Variants in ERI1 observed in about 807,000 individuals in gnomAD.
ERI1 encodes exoribonuclease 1.
A neutral mutation model predicts 39.7 loss-of-function variants in ERI1; 39 were observed. The ratio of observed to expected loss-of-function variants is 0.98; its 90% confidence interval spans 0.76 to 1.28. ERI1 has a LOEUF of 1.28. Ranked by LOEUF, ERI1 falls within the 50% of genes most tolerant of loss-of-function variation. ERI1 has a pLI of 0.00. For synonymous variants in ERI1, 204 were observed against 149.6 expected, an observed-to-expected ratio of 1.36 and a Z score of -2.65; for missense variants, 581 against 416.9, an observed-to-expected ratio of 1.39 and a Z score of -3.43.
At chr8:9,081,425 C>G (rs1195135836) in intron 3 of ERI1, among the ~76,000 whole-genome samples, 2 of 152,258 alleles carry the variant, frequency 1.3e-5, no homozygotes, top group East Asian at 1.9e-4. Flanking sequence ...AGTCTGGTTA[C>G]TTTTGTACAT....
chr8:9,089,140 T>A (rs1290585563), intron 3 of ERI1, among the ~76,000 whole-genome samples: 1 of 152,242 alleles, frequency 6.6e-6, no homozygotes, highest in Non-Finnish European at 1.5e-5. Flanking sequence ...CGCTTCACTC[T>A]CCTCTTTCCT....
In ERI1 at chr8:9,064,926, A is replaced by G. The variant is rs569326850; in HGVS notation, n.299+44462A>G. Among the ~76,000 whole-genome samples the G allele has an allele frequency of 2.0e-5, 3 of 152,226 alleles. No individual in the cohort carries two copies. The East Asian group carries it at 5.8e-4, about 29-fold the overall frequency. On this transcript the variant is annotated intron_variant and non_coding_transcript_variant, in intron 3 of 3. Coordinates refer to the ERI1 transcript ENST00000518663. The stretch of plus-strand genomic sequence containing the variant: ...AGGGAGACAGGGGTGGGGCTGTTTT[A>G]TAGGATTTGGGTAAGTAAAGGAAAA...
At chr8:9,040,541 A>G (rs967433287) in intron 3 of ERI1, among the ~76,000 whole-genome samples, 5 of 152,166 alleles carry the variant, frequency 3.3e-5, no homozygotes, top group Non-Finnish European at 5.9e-5. Flanking sequence ...GAAAGCTCAG[A>G]ATTACCTTAA....
intron 6 of ERI1, among the ~76,000 whole-genome samples, chr8:9,025,992 C>G (rs1468230877): frequency 6.6e-6 from 1 of 152,150 alleles, no homozygotes; most frequent in Non-Finnish European, 1.5e-5. Context: ...AGAACTGTCA[C>G]TGTCTCAGCC....
chr8:9,089,919 A>G (rs1231498946), intron 3 of ERI1, among the ~76,000 whole-genome samples: 1 of 151,836 alleles, frequency 6.6e-6, no homozygotes, highest in South Asian at 2.1e-4. Context: ...AATGAGACAG[A>G]TTCCCTGAAA....
At chr8:9,005,314 A>T (rs1376379914) in intron 1 of ERI1, among the ~76,000 whole-genome samples, 1 of 152,164 alleles carries the variant, frequency 6.6e-6, no homozygotes, top group Non-Finnish European at 1.5e-5. Flanking sequence ...GTTTTATTTG[A>T]CAAGCAGTTA....
intron 6 of ERI1, among the ~76,000 whole-genome samples, chr8:9,028,481 C>G (rs894244649): frequency 6.6e-6 from 1 of 152,098 alleles, no homozygotes; most frequent in Non-Finnish European, 1.5e-5. Context: ...ATCCCAGTAA[C>G]CCTATGAGTA....
intron 3 of ERI1, among the ~76,000 whole-genome samples, chr8:9,057,274 T>C (rs1289032522): frequency 6.6e-6 from 1 of 152,058 alleles, no homozygotes; most frequent in Non-Finnish European, 1.5e-5. Context: ...CCTCCCAAAG[T>C]TCTGGGATGA....
intron 1 of ERI1, among the ~76,000 whole-genome samples, chr8:9,005,849 G>A (rs1487531164): frequency 1.3e-5 from 2 of 152,226 alleles, no homozygotes; most frequent in African/African-American, 4.8e-5. Flanking sequence ...GTTTGGTATA[G>A]AAGATTTTCA....
At chr8:9,019,754 A>G (rs942962614) in intron 5 of ERI1, among the ~76,000 whole-genome samples, 35 of 152,180 alleles carry the variant, frequency 2.3e-4, no homozygotes, top group African/African-American at 8.4e-4. Context: ...TGTTCCCAGT[A>G]TAGCAGCTGA....
chr8:9,038,880 G>C (rs1797933956), intron 3 of ERI1, among the ~76,000 whole-genome samples: 1 of 152,156 alleles, frequency 6.6e-6, no homozygotes, highest in South Asian at 2.1e-4. Flanking sequence ...TAGAATGAAA[G>C]GGGGTCCAGC....
At chr8:9,041,692 A>C (rs1209248638) in intron 3 of ERI1, among the ~76,000 whole-genome samples, 1 of 152,248 alleles carries the variant, frequency 6.6e-6, no homozygotes, top group East Asian at 1.9e-4. Flanking sequence ...AACAGTATTG[A>C]GAGGCAAGTT....
At chr8:9,049,100 AG>A (rs761943312) in intron 3 of ERI1, among the ~76,000 whole-genome samples, 10 of 151,978 alleles carry the variant, frequency 6.6e-5, no homozygotes, top group Non-Finnish European at 1.3e-4. Flanking sequence ...GCACTTTGGG[AG>A]GTCGAGGTGG....
intron 3 of ERI1, among the ~76,000 whole-genome samples, chr8:9,083,994 C>T (rs990268472): frequency 5.9e-5 from 9 of 152,106 alleles, no homozygotes; most frequent in African/African-American, 1.7e-4. Flanking sequence ...GGGGTTTCAC[C>T]GTGTTAGCCA....
intron 5 of ERI1, among the ~76,000 whole-genome samples, chr8:9,018,764 C>T (rs1817573437): frequency 6.6e-6 from 1 of 152,216 alleles, no homozygotes; most frequent in Non-Finnish European, 1.5e-5. Context: ...ATTCACCTGC[C>T]ATTAATCCTC....
At chr8:9,070,913 G>A (rs901460319) in intron 3 of ERI1, among the ~76,000 whole-genome samples, 1 of 152,196 alleles carries the variant, frequency 6.6e-6, no homozygotes, top group Non-Finnish European at 1.5e-5. Context: ...GGTGGCCCCA[G>A]GTGGCAGGGT....
At chr8:9,049,110 G>A (rs1450104712) in intron 3 of ERI1, among the ~76,000 whole-genome samples, 2 of 151,798 alleles carry the variant, frequency 1.3e-5, no homozygotes, top group Non-Finnish European at 2.9e-5. Context: ...AGGTCGAGGT[G>A]GGCGGATCAC....
chr8:9,081,173 G>A (rs1471859020), intron 3 of ERI1, among the ~76,000 whole-genome samples: 3 of 152,216 alleles, frequency 2.0e-5, no homozygotes, highest in Non-Finnish European at 4.4e-5. Context: ...CATGAGAACA[G>A]CCTGAAGGAA....
chr8:9,010,239 C>G (rs2117195345), intron 2 of ERI1, among the ~76,000 whole-genome samples: 1 of 152,268 alleles, frequency 6.6e-6, no homozygotes. Context: ...TATGTTTGTC[C>G]TGCCATTAGC....
Sources: gnomAD v4.1 joint callset for allele counts (sites outside exome capture counted in the v4.1 genomes callset) on GRCh38, gnomAD v4.1.1 for gene constraint, MANE v1.5 for transcripts, NCBI Gene and HGNC (gene_info 2026-07-23, HGNC 2026-07-21) for gene names.